The following XPOT variants were observed in gnomAD, a reference collection of about 807,000 sequenced individuals.
XPOT encodes exportin-T.
In XPOT, 34 loss-of-function variants were observed where a neutral mutation model predicts 128.2. The ratio of observed to expected loss-of-function variants is 0.27; its 90% CI spans 0.20 to 0.35. The LOEUF (loss-of-function observed/expected upper bound fraction) is 0.35. Ranked by LOEUF, XPOT falls within the 10% of genes least tolerant of loss-of-function variation. The pLI, the probability that XPOT is intolerant of heterozygous loss-of-function variation, is 1.00. For missense variants in XPOT, 838 were observed against 1,125.3 expected, an observed-to-expected ratio of 0.74 and a Z score of 3.65; for synonymous variants, 348 against 394.3, an observed-to-expected ratio of 0.88 and a Z score of 1.39.
chr12:64,408,318 G>A (rs1391125460), intron 1 of XPOT, among the ~76,000 whole-genome samples: 4 of 152,092 alleles, frequency 2.6e-5, no homozygotes, highest in Non-Finnish European at 5.9e-5. Context: ...ATGTTGGCCA[G>A]GCTGGTCTTG....
At chr12:64,408,942 A>G (rs1330790857) in intron 1 of XPOT, among the ~76,000 whole-genome samples, 1 of 152,100 alleles carries the variant, frequency 6.6e-6, no homozygotes, top group Admixed American at 6.6e-5. Flanking sequence ...CAAAGTTCTC[A>G]GATTACCGGT....
chr12:64,436,528 T>A (rs1207764851), intron 22 of XPOT, among the ~76,000 whole-genome samples: 1 of 152,166 alleles, frequency 6.6e-6, no homozygotes, highest in Non-Finnish European at 1.5e-5. Context: ...CCAAAAGTGC[T>A]GAGATAATAG....
At chr12:64,428,148 T>C (rs2040208592) in intron 16 of XPOT, 28 bp downstream of exon 16, 1 of 1,461,742 alleles carries the variant, frequency 6.8e-7, no homozygotes, top group Non-Finnish European at 9.5e-7. Context: ...TAAGATATTT[T>C]ACCCAGAATT....
chr12:64,416,800 C>T (rs1046521975), intron 4 of XPOT, 46 bp downstream of exon 4: 1 of 1,498,074 alleles, frequency 6.7e-7, no homozygotes, highest in Non-Finnish European at 9.2e-7. Flanking sequence ...GGGGAGAGGT[C>T]ATTTTTTTAA....
chr12:64,410,478 AT>A (rs910887077), intron 2 of XPOT, among the ~76,000 whole-genome samples: 114 of 149,838 alleles, frequency 7.6e-4, no homozygotes, highest in African/African-American at 2.6e-3. Context: ...TACCTTAATG[AT>A]TTTTTTTTTA....
In XPOT at chr12:64,425,888, C is replaced by G; in HGVS notation, c.1646C>G (p.Ser549Cys). 6.2e-7 allele frequency: 1 copy of G among 1,614,066 alleles called. No homozygotes were observed. Among genetic ancestry groups the G allele is most frequent in the Non-Finnish European group, 8.5e-7 (1 of 1,179,968 alleles). ...CGGAGCAGGACGGCTTACCTGTTTT[C>G]TAGATTTGTCAAATCTCTCAAGTAA... ...KVRSRTAYLFSRFVKSLNKQM... is the reference protein window; with the variant it reads ...KVRSRTAYLFCRFVKSLNKQM... Residue 549 changes from serine to cysteine, a missense_variant, in exon 15 of 25, where the codon TCT becomes TGT. Transcript: ENST00000332707.
At chr12:64,414,264 A>G (rs1293860592) in intron 2 of XPOT, among the ~76,000 whole-genome samples, 1 of 152,184 alleles carries the variant, frequency 6.6e-6, no homozygotes, top group Non-Finnish European at 1.5e-5. Flanking sequence ...TTGTGATTAC[A>G]AGGCCCTGAA....
chr12:64,441,630 G>A (rs530731508), intron 23 of XPOT, among the ~76,000 whole-genome samples: 10 of 152,140 alleles, frequency 6.6e-5, no homozygotes, highest in East Asian at 5.8e-4. Flanking sequence ...GAATCTGTAC[G>A]TCACTTTGTT....
chr12:64,410,298 T>G (rs1457893524), intron 2 of XPOT, among the ~76,000 whole-genome samples: 1 of 152,240 alleles, frequency 6.6e-6, no homozygotes, highest in Non-Finnish European at 1.5e-5. Flanking sequence ...AACAAAAGTA[T>G]TAAAATCTCA....
In XPOT at chr12:64,434,523, AAG is replaced by A; in HGVS notation, c.2472_2473del (p.Arg824SerfsTer11). ...IANQGAENVE[R>X]VLVTVIQGAV... is the part of the protein sequence containing the mutation. Reference sequence around the variant, plus strand: ...TCTCCTCAGGTGCAGAGAATGTAGAAAGAGTGTTGGTTACTGTTATCCAAGGA... The same window carrying A: ...TCTCCTCAGGTGCAGAGAATGTAGAAAGTGTTGGTTACTGTTATCCAAGGA... On this transcript the variant is annotated frameshift_variant, in exon 20 of 25. Coordinates refer to ENST00000332707, the MANE Select transcript of XPOT (RefSeq NM_007235.6). LOFTEE classifies it high-confidence loss of function. 1 of 1,613,510 alleles carries A rather than the reference AAG, an allele frequency of 6.2e-7. No individual in the cohort carries two copies. The highest frequency in any genetic ancestry group is 8.5e-7 in the Non-Finnish European group (1 of 1,179,548).
At chr12:64,417,979 C>A in intron 4 of XPOT, 67 bp from the exon 5 acceptor site, 1 of 1,267,154 alleles carries the variant, frequency 7.9e-7, no homozygotes, top group Non-Finnish European at 1.1e-6. Context: ...ATATATGAGG[C>A]TGTTATTTTT....
intron 6 of XPOT, among the ~76,000 whole-genome samples, chr12:64,419,707 T>G (rs2040120864): frequency 6.6e-6 from 1 of 152,234 alleles, no homozygotes; most frequent in Non-Finnish European, 1.5e-5. Flanking sequence ...AATACTGCTA[T>G]ATAGTCCCTG....
chr12:64,440,658 C>T (rs1334683471), intron 23 of XPOT, among the ~76,000 whole-genome samples: 1 of 152,182 alleles, frequency 6.6e-6, no homozygotes, highest in Non-Finnish European at 1.5e-5. Context: ...GCCATTCTAA[C>T]AGGTGTGAGG....
intron 9 of XPOT, among the ~76,000 whole-genome samples, chr12:64,422,544 A>T (rs2040148139): frequency 6.6e-6 from 1 of 152,210 alleles, no homozygotes; most frequent in Admixed American, 6.5e-5. Flanking sequence ...TATATTTTAA[A>T]TATAGGCAGC....
At chr12:64,421,628 A>G (rs2040139147) in intron 9 of XPOT, among the ~76,000 whole-genome samples, 157 bp downstream of exon 9, 1 of 152,120 alleles carries the variant, frequency 6.6e-6, no homozygotes, top group African/African-American at 2.4e-5. Context: ...CTTAAAAAAA[A>G]AAGAATTGGC....
chr12:64,439,287 C>T lies in XPOT; in HGVS notation c.2777C>T (p.Ser926Phe), dbSNP rs1393420377. The change falls in exon 23 of 25, where the codon TCC (serine) becomes TTC (phenylalanine). Residue 926 changes from serine (S) to phenylalanine (F), a missense_variant. Physicochemically the swap from Ser to Phe is radical, Grantham distance 155 (BLOSUM62 -2). Coordinates refer to ENST00000332707, the MANE Select transcript of XPOT (RefSeq NM_007235.6). ...VQYLQQEYLP[S>F]LQVAPEIIQE... ...TATCTTCAACAAGAATACCTGCCCTCCTTGCAAGTAGCTCCAGAAATAATT... is the reference window on the plus strand; with the variant it reads ...TATCTTCAACAAGAATACCTGCCCTTCTTGCAAGTAGCTCCAGAAATAATT... 6.2e-7 allele frequency: 1 copy of T among 1,613,954 alleles called. No individual in the cohort carries two copies. Among genetic ancestry groups the T allele is most frequent in the Non-Finnish European group, 8.5e-7 (1 of 1,179,972 alleles).
chr12:64,435,515 T>A, intron 21 of XPOT, 112 bp from the exon 22 acceptor site: 1 of 831,772 alleles, frequency 1.2e-6, no homozygotes, highest in Non-Finnish European at 1.7e-6. Flanking sequence ...TAAATATTTC[T>A]CTGGAAATAT....
chr12:64,435,570 G>A (rs1428604873), intron 21 of XPOT, 57 bp from the exon 22 acceptor site: 2 of 1,469,036 alleles, frequency 1.4e-6, no homozygotes, highest in Middle Eastern at 1.9e-4. Flanking sequence ...AAAGAGAAGA[G>A]CTGGATCACT....
chr12:64,420,319 T>G, intron 7 of XPOT, 34 bp from the exon 8 acceptor site: 1 of 1,602,656 alleles, frequency 6.2e-7, no homozygotes, highest in Non-Finnish European at 8.5e-7. Flanking sequence ...CTCATGACTT[T>G]GAAAATGTTA....
Sources: gnomAD v4.1 joint callset for allele counts (sites outside exome capture counted in the v4.1 genomes callset) on GRCh38, gnomAD v4.1.1 for gene constraint, MANE v1.5 for transcripts, NCBI Gene and HGNC (gene_info 2026-07-23, HGNC 2026-07-21) for gene names.